Variants in LEPR observed in about 807,000 individuals in gnomAD.
LEPR encodes leptin receptor, also known as OB receptor.
LEPR carries 56 observed loss-of-function variants against 114.7 expected under a neutral mutation model. The ratio of observed to expected loss-of-function variants is 0.49; its 90% CI spans 0.39 to 0.61. The LOEUF is 0.61. Ranked by LOEUF, LEPR falls within the 20% of genes least tolerant of loss-of-function variation. LEPR has a pLI of 0.00. For synonymous variants in LEPR, 443 were observed against 461.4 expected (o/e 0.96, Z 0.51); for missense variants, 1,202 against 1,352.9 (o/e 0.89, Z 1.75).
At chr1:65,622,412 T>G (rs1310393608) in intron 18 of LEPR, among the ~76,000 whole-genome samples, 1 of 151,676 alleles carries the variant, frequency 6.6e-6, no homozygotes, top group East Asian at 1.9e-4. Context: ...CTGAGTTCCG[T>G]GGATGGTGGC....
At chr1:65,477,112 C>T (rs534145098) in intron 2 of LEPR, among the ~76,000 whole-genome samples, 4 of 152,298 alleles carry the variant, frequency 2.6e-5, no homozygotes, top group African/African-American at 9.6e-5. Flanking sequence ...ATCTTTTAGA[C>T]ATAATTTTAG....
intron 2 of LEPR, among the ~76,000 whole-genome samples, chr1:65,457,655 C>T (rs910425785): frequency 6.6e-6 from 1 of 152,178 alleles, no homozygotes; most frequent in African/African-American, 2.4e-5. Context: ...TTCTCCTCAC[C>T]TGCCCTCTCA....
At chr1:65,614,823 A>G (rs1657426647) in intron 14 of LEPR, among the ~76,000 whole-genome samples, 1 of 152,220 alleles carries the variant, frequency 6.6e-6, no homozygotes, top group East Asian at 1.9e-4. Flanking sequence ...GACATCCAGT[A>G]GTAAGACATG....
chr1:65,578,842 C>G (rs1654781836), intron 5 of LEPR, among the ~76,000 whole-genome samples: 1 of 152,156 alleles, frequency 6.6e-6, no homozygotes, highest in Non-Finnish European at 1.5e-5. Flanking sequence ...ACAGCTGCCA[C>G]TGCTCTTCTT....
intron 2 of LEPR, among the ~76,000 whole-genome samples, chr1:65,441,601 C>G (rs1032654141): frequency 6.6e-6 from 1 of 151,942 alleles, no homozygotes; most frequent in Non-Finnish European, 1.5e-5. Context: ...GAGCTATGGC[C>G]CACGACAGGG....
intron 2 of LEPR, among the ~76,000 whole-genome samples, chr1:65,427,430 G>T (rs1169585878): frequency 6.6e-6 from 1 of 152,126 alleles, no homozygotes; most frequent in African/African-American, 2.4e-5. Flanking sequence ...AATAAGCCAG[G>T]CATGGTGCCT....
intron 2 of LEPR, among the ~76,000 whole-genome samples, chr1:65,509,923 G>C (rs997193940): frequency 3.9e-5 from 6 of 152,114 alleles, no homozygotes; most frequent in African/African-American, 1.4e-4. Context: ...AACACAAGCT[G>C]TCGTCCACAT....
At chr1:65,486,963 G>A (rs1647517919) in intron 2 of LEPR, among the ~76,000 whole-genome samples, 2 of 152,136 alleles carry the variant, frequency 1.3e-5, no homozygotes, top group African/African-American at 2.4e-5. Context: ...CACATGTGCT[G>A]TTATTGAAGG....
At chr1:65,450,024 G>A (rs1646762438) in intron 2 of LEPR, among the ~76,000 whole-genome samples, 1 of 151,994 alleles carries the variant, frequency 6.6e-6, no homozygotes, top group Admixed American at 6.5e-5. Context: ...GTGTTATTTT[G>A]AAGTGTGTTG....
intron 2 of LEPR, among the ~76,000 whole-genome samples, chr1:65,426,309 G>A (rs1050621662): frequency 3.9e-5 from 6 of 152,138 alleles, no homozygotes; most frequent in African/African-American, 1.4e-4. Flanking sequence ...GTAGTGGAGT[G>A]GCAAAAGAAG....
At chr1:65,449,209 C>T (rs147898635) in intron 2 of LEPR, among the ~76,000 whole-genome samples, 1 of 142,770 alleles carries the variant, frequency 7.0e-6, no homozygotes, top group Non-Finnish European at 1.5e-5. Flanking sequence ...TTTGTGTCAT[C>T]TTTTTGTTTT....
intron 2 of LEPR, among the ~76,000 whole-genome samples, chr1:65,543,759 G>A (rs928557922): frequency 6.6e-6 from 1 of 151,962 alleles, no homozygotes; most frequent in South Asian, 2.1e-4. Flanking sequence ...TGTCAGGATT[G>A]TCAAAGATCA....
rs1557636214 is a variant in LEPR at position 65,518,897 on chromosome 1, CTTTCTTTCTT to C, written c.-20-46647_-20-46638del. Among the ~76,000 whole-genome samples the C allele has an allele frequency of 3.4e-4, 29 of 84,534 alleles. 1 individual carries two copies. Among genetic ancestry groups the C allele is most frequent in the Non-Finnish European group, 5.7e-5 (2 of 35,178 alleles). The allele number at this position is 84,534 out of a possible 152,430, so 55.5% of individuals were successfully genotyped here. On this transcript the variant is annotated intron_variant, in intron 2 of 19. Transcript: ENST00000349533. ...TTTTTCTTTCTTTCTTTCTTTCTTTCTTTCTTTCTTTCTTTCTTTCTCTCTTTCTCTGTTT... is the reference window on the plus strand; with the variant it reads ...TTTTTCTTTCTTTCTTTCTTTCTTTCTCTTTCTTTCTCTCTTTCTCTGTTT...
intron 1 of LEPR, among the ~76,000 whole-genome samples, chr1:65,422,948 A>G (rs1159308049): frequency 6.6e-6 from 1 of 152,224 alleles, no homozygotes; most frequent in Admixed American, 6.5e-5. Flanking sequence ...AGAGGCAGGA[A>G]TAAGAGGTTA....
intron 19 of LEPR, among the ~76,000 whole-genome samples, chr1:65,628,197 C>T (rs1658330009): frequency 6.6e-6 from 1 of 152,124 alleles, no homozygotes; most frequent in African/African-American, 2.4e-5. Context: ...AATATAATTT[C>T]CTGCCAGATC....
intron 2 of LEPR, among the ~76,000 whole-genome samples, chr1:65,464,924 C>T (rs1646990603): frequency 6.6e-6 from 1 of 152,062 alleles, no homozygotes; most frequent in South Asian, 2.1e-4. Flanking sequence ...CTCTTTTCTT[C>T]TTTATTAGTC....
intron 5 of LEPR, among the ~76,000 whole-genome samples, chr1:65,583,806 A>G (rs4655528): frequency 0.31 from 46,453 of 151,852 alleles, 7,976 homozygotes; most frequent in East Asian, 0.83. Context: ...AATGACAGAG[A>G]TGATAGAATT....
At chr1:65,572,084 A>G (rs1282953284) in intron 4 of LEPR, among the ~76,000 whole-genome samples, 6 of 151,698 alleles carry the variant, frequency 4.0e-5, no homozygotes, top group Non-Finnish European at 7.4e-5. Context: ...TTGAGAAGCA[A>G]TAATTGAATT....
intron 2 of LEPR, among the ~76,000 whole-genome samples, chr1:65,498,611 G>A (rs1041810446): frequency 7.9e-5 from 12 of 151,990 alleles, no homozygotes; most frequent in Non-Finnish European, 1.6e-4. Flanking sequence ...AACAATAAGT[G>A]CATTTATTAT....
Sources: gnomAD v4.1 joint callset for allele counts (sites outside exome capture counted in the v4.1 genomes callset) on GRCh38, gnomAD v4.1.1 for gene constraint, MANE v1.5 for transcripts, NCBI Gene and HGNC (gene_info 2026-07-23, HGNC 2026-07-21) for gene names.